The following KIF14 variants were observed in gnomAD, a reference collection of about 807,000 sequenced individuals.
KIF14 encodes the protein kinesin family member 14.
Under a neutral mutation model 176.2 loss-of-function variants are expected in KIF14, and 98 were observed. The ratio of observed to expected loss-of-function variants is 0.56; its 90% confidence interval spans 0.47 to 0.66. KIF14 has a LOEUF of 0.66. Ranked by LOEUF, KIF14 falls within the 30% of genes least tolerant of loss-of-function variation. KIF14 has a pLI of 0.00. For synonymous variants in KIF14, 566 were observed against 632.2 expected (o/e 0.90, Z 1.57); for missense variants, 1,751 against 1,920.4 (o/e 0.91, Z 1.65).
intron 19 of KIF14, among the ~76,000 whole-genome samples, chr1:200,585,009 C>T (rs1465091760): frequency 1.3e-5 from 2 of 152,108 alleles, no homozygotes; most frequent in Non-Finnish European, 1.5e-5. Context: ...TATATGATCT[C>T]ACTTATATGT....
At chr1:200,612,453 C>G (rs1224096876) in intron 4 of KIF14, among the ~76,000 whole-genome samples, 1 of 152,186 alleles carries the variant, frequency 6.6e-6, no homozygotes, top group Non-Finnish European at 1.5e-5. Context: ...CTTCAAATTA[C>G]TATCCCTCTA....
Position 200,565,654 on chromosome 1 carries a change from G to A in KIF14, c.3677C>T (p.Ser1226Leu). 3 of 1,592,282 alleles carry A rather than the reference G, an allele frequency of 1.9e-6. No homozygotes were observed. Among genetic ancestry groups the A allele is most frequent in the Non-Finnish European group, 2.6e-6 (3 of 1,174,160 alleles). The change falls in exon 24 of 30, where the codon TCA becomes TTA. Residue 1226 changes from serine (S) to leucine (L), a missense_variant. Transcript: ENST00000367350. ...TGCTGAATTTGAGTAAATAGTGCTT[G>A]ATTTGTCCATTAAACCTACATCAAC... ...SSHSSGLMDK[S>L]STIYSNSAES...
chr1:200,565,069 C>T lies in KIF14; in HGVS notation c.4071G>A (p.Gln1357=), dbSNP rs1553254322. The T allele has an allele frequency of 6.2e-7, 1 of 1,602,770 alleles. No individual in the cohort carries two copies. Among genetic ancestry groups the T allele is most frequent in the Non-Finnish European group, 8.5e-7 (1 of 1,173,352 alleles). ...KLGGYLQLFL[Q]GCCLDISSMI... ...AATGATAATAAGCAAATCAATTTAC[C>T]TGCAAAAATAACTGTAAGTAGCCTC... The change falls in exon 25 of 30, where the codon CAG becomes CAA. Residue 1357 remains glutamine (Q), a splice_region_variant and synonymous_variant. Transcript: ENST00000367350.
At chr1:200,583,334 GAGAA>G (rs1658561530) in intron 19 of KIF14, among the ~76,000 whole-genome samples, 2 of 152,194 alleles carry the variant, frequency 1.3e-5, no homozygotes, top group South Asian at 4.1e-4. Context: ...AAGAGTGACA[GAGAA>G]AGAGAGAGAG....
At chr1:200,595,792 C>CA (rs1458725010) in intron 14 of KIF14, among the ~76,000 whole-genome samples, 3 of 150,564 alleles carry the variant, frequency 2.0e-5, no homozygotes, top group African/African-American at 4.9e-5. Flanking sequence ...ACTAAAAATA[C>CA]AAAAAACTAG....
At chr1:200,560,585 A>G (rs1657085421) in intron 26 of KIF14, 137 bp downstream of exon 26, 2 of 985,644 alleles carry the variant, frequency 2.0e-6, no homozygotes, top group African/African-American at 1.6e-5. Flanking sequence ...ACAGTTTTAA[A>G]TCTTATTGCA....
At chr1:200,618,892 A>T (rs1019526140) in intron 1 of KIF14, 54 bp from the exon 2 acceptor site, 17 of 576,342 alleles carry the variant, frequency 2.9e-5, no homozygotes, top group Non-Finnish European at 4.2e-5. Flanking sequence ...AGCTTTAAAA[A>T]TATAGAGAGA....
At chr1:200,588,185 T>C (rs1381234669) in intron 18 of KIF14, among the ~76,000 whole-genome samples, 1 of 152,104 alleles carries the variant, frequency 6.6e-6, no homozygotes, top group Admixed American at 6.6e-5. Context: ...CCATTCTCAG[T>C]TTCTGCTTCA....
intron 4 of KIF14, among the ~76,000 whole-genome samples, chr1:200,612,358 C>T (rs922314218): frequency 3.9e-5 from 6 of 152,206 alleles, no homozygotes; most frequent in African/African-American, 7.2e-5. Flanking sequence ...AGTCATTCCA[C>T]GCAAAATCTG....
chr1:200,603,192 T>C (rs763924213), intron 10 of KIF14, 34 bp downstream of exon 10: 43 of 1,264,558 alleles, frequency 3.4e-5, no homozygotes, highest in Non-Finnish European at 4.7e-5. Context: ...TCACTATATT[T>C]TATACAATTC....
chr1:200,617,656 A>C lies in KIF14; in HGVS notation c.1068T>G (p.Asn356Lys), dbSNP rs765659178. The C allele has an allele frequency of 6.8e-6, 11 of 1,613,760 alleles. No individual in the cohort carries two copies. The highest frequency in any genetic ancestry group is 9.3e-6 in the Non-Finnish European group (11 of 1,179,898). ...SAGKDPLKVE[N>K]SQVTVAVRVR... is the part of the protein sequence containing the mutation. ...CGCGTACTGCCACTGTCACTTGACTATTCTCTACTTTTAAGGGGTCTTTTC... is the reference window on the plus strand; with the variant it reads ...CGCGTACTGCCACTGTCACTTGACTCTTCTCTACTTTTAAGGGGTCTTTTC... The change falls in exon 2 of 30, where the codon AAT (asparagine) becomes AAG (lysine). Residue 356 changes from asparagine (N) to lysine (K), a missense_variant. By Grantham distance (94) the Asn-to-Lys change is moderately conservative. Transcript: ENST00000367350.
Position 200,617,985 on chromosome 1 carries a change from T to C in KIF14, c.739A>G (p.Lys247Glu). 3 of 1,614,160 alleles carry C rather than the reference T, an allele frequency of 1.9e-6. No individual in the cohort carries two copies. In the East Asian group the frequency reaches 6.7e-5, roughly 36 times the overall value. The change falls in exon 2 of 30, where the codon AAA (lysine) becomes GAA (glutamate). Residue 247 changes from lysine to glutamate, a missense_variant. Transcript: ENST00000367350. Reference protein sequence around the residue: ...TKPTQSKLDIKVLGTGNLYHR... With the variant: ...TKPTQSKLDIEVLGTGNLYHR... ...TACAAGTTTCCTGTTCCCAACACTT[T>C]GATATCCAACTTGCTCTGAGTAGGT...
chr1:200,565,573 A>G lies in KIF14; in HGVS notation c.3758T>C (p.Phe1253Ser), dbSNP rs577782006. 3.1e-6 allele frequency: 5 copies of G among 1,612,106 alleles called. No individual in the cohort carries two copies. The highest frequency in any genetic ancestry group is 2.2e-5 in the East Asian group (1 of 44,802). Residue 1253 changes from phenylalanine (F) to serine (S), a missense_variant, in exon 24 of 30, where the codon TTT (phenylalanine) becomes TCT (serine). Transcript: ENST00000367350. ...KELIGSSLDF[F>S]GQSYDEERTI... ...TCTTTCTTCATCATAACTCTGTCCA[A>G]AAAAATCTAACGAAGAACCAATCAA...
At chr1:200,563,596 CTA>C (rs1657279526) in intron 25 of KIF14, among the ~76,000 whole-genome samples, 1 of 152,102 alleles carries the variant, frequency 6.6e-6, no homozygotes. Context: ...TTATTATTCA[CTA>C]TGTTGCCCAG....
chr1:200,570,080 C>A, intron 22 of KIF14, 75 bp from the exon 23 acceptor site: 1 of 704,304 alleles, frequency 1.4e-6, no homozygotes, highest in South Asian at 2.8e-5. Flanking sequence ...TTTATAAGTT[C>A]TCTAAAGAAA....
intron 4 of KIF14, 25 bp from the exon 5 acceptor site, chr1:200,608,953 ATAATT>A: frequency 7.4e-7 from 1 of 1,350,796 alleles, no homozygotes; most frequent in Non-Finnish European, 1.1e-6. Flanking sequence ...AACACAGCAT[ATAATT>A]TATTTTGATG....
chr1:200,605,838 TGAAAA>T (rs760553772), intron 7 of KIF14, 21 bp downstream of exon 7: 3 of 1,410,728 alleles, frequency 2.1e-6, no homozygotes, highest in South Asian at 2.7e-5. Context: ...TTCTATCTAG[TGAAAA>T]GAAAACAAAA....
intron 21 of KIF14, among the ~76,000 whole-genome samples, chr1:200,578,064 AT>A (rs1194331035): frequency 6.6e-6 from 1 of 150,902 alleles, no homozygotes; most frequent in African/African-American, 2.4e-5. Context: ...AAAGTCTTTT[AT>A]TTGTAGGAAA....
At chr1:200,607,935 G>C (rs1659962825) in intron 5 of KIF14, among the ~76,000 whole-genome samples, 1 of 152,182 alleles carries the variant, frequency 6.6e-6, no homozygotes, top group African/African-American at 2.4e-5. Context: ...TCTTGACCTA[G>C]TGATCCACCT....
Sources: gnomAD v4.1 joint callset for allele counts (sites outside exome capture counted in the v4.1 genomes callset) on GRCh38, gnomAD v4.1.1 for gene constraint, MANE v1.5 for transcripts, NCBI Gene and HGNC (gene_info 2026-07-23, HGNC 2026-07-21) for gene names.